Variants in RANBP2 observed in about 807,000 individuals in gnomAD.
RANBP2 encodes RAN binding protein 2, also known as E3 SUMO-protein ligase RanBP2.
In RANBP2, 57 loss-of-function variants were observed where a neutral mutation model predicts 303.6. That is an observed-to-expected ratio of 0.19 (90% confidence interval 0.15 to 0.23). RANBP2 has a LOEUF of 0.23. Ranked by LOEUF, RANBP2 falls within the 10% of genes least tolerant of loss-of-function variation. RANBP2 has a pLI of 1.00. For missense variants in RANBP2, 3,138 were observed against 3,780.8 expected, an observed-to-expected ratio of 0.83 and a Z score of 4.46; for synonymous variants, 1,167 against 1,301.5, an observed-to-expected ratio of 0.90 and a Z score of 2.23.
At position 108,748,408 on chromosome 2, in the gene RANBP2, A is replaced by G. The variant is rs1405227728; in HGVS notation, c.1064-512A>G. 2.1e-5 allele frequency among the ~76,000 whole-genome samples: 3 copies of G among 143,744 alleles called. No homozygotes were observed. In the East Asian group the frequency reaches 6.1e-4, roughly 29 times the overall value. 94.3% of individuals were successfully genotyped at this position (143,744 alleles called of 152,430 possible). ...TTTTTTTTTTTTGTATTTTTAGTAG[A>G]GATGGAGTTTCACTGTGTTAGCCAG... On this transcript the variant is annotated intron_variant, in intron 8 of 28. Coordinates refer to ENST00000283195, the MANE Select transcript of RANBP2 (RefSeq NM_006267.5).
At chr2:109,342,742 T>C in the RANBP2 span, among the ~76,000 whole-genome samples, 2 of 152,152 alleles carry the variant, frequency 1.3e-5, no homozygotes, top group Non-Finnish European at 2.9e-5. Context: ...CTGATTCCAG[T>C]AGAAGCCGGA....
chr2:109,234,441 G>T, the RANBP2 span, among the ~76,000 whole-genome samples: 1 of 152,238 alleles, frequency 6.6e-6, no homozygotes, highest in Non-Finnish European at 1.5e-5. Flanking sequence ...CATGGAGCTA[G>T]TGTTCTTTGG....
the RANBP2 span, among the ~76,000 whole-genome samples, chr2:108,838,269 C>G: frequency 5.3e-3 from 814 of 152,226 alleles, 10 homozygotes; most frequent in African/African-American, 0.016. Context: ...GGGGCAATCT[C>G]TCCCCAACTG....
At chr2:109,199,249 C>T in the RANBP2 span, among the ~76,000 whole-genome samples, 120,580 of 148,708 alleles carry the variant, frequency 0.81, 48,400 homozygotes, top group East Asian at 0.86. Context: ...GTCCCAGCTA[C>T]GGGAGGTGCT....
At chr2:108,793,455 CCTA>C in the RANBP2 span, among the ~76,000 whole-genome samples, 5 of 152,252 alleles carry the variant, frequency 3.3e-5, no homozygotes, top group East Asian at 1.9e-4. Flanking sequence ...GAGGAACTCA[CCTA>C]CTGCTGTTGG....
chr2:109,426,303 C>T, the RANBP2 span, among the ~76,000 whole-genome samples: 1 of 152,212 alleles, frequency 6.6e-6, no homozygotes, highest in Non-Finnish European at 1.5e-5. Context: ...AAAGGATTCA[C>T]CATTCTAGGG....
At chr2:109,744,441 T>C in the RANBP2 span, among the ~76,000 whole-genome samples, 1 of 99,700 alleles carries the variant, frequency 1.0e-5, no homozygotes, top group African/African-American at 2.8e-5. Context: ...TTTTTTTTTT[T>C]GCTTGTTGAT....
chr2:109,352,834 C>A, the RANBP2 span, among the ~76,000 whole-genome samples: 38,396 of 152,214 alleles, frequency 0.25, 5,211 homozygotes, highest in East Asian at 0.58. Context: ...CTACAGACCA[C>A]CCTCGCCCAG....
At chr2:109,135,263 A>T in the RANBP2 span, among the ~76,000 whole-genome samples, 5 of 152,166 alleles carry the variant, frequency 3.3e-5, no homozygotes, top group Non-Finnish European at 7.3e-5. Context: ...TGAAGCCCAC[A>T]CACAGGACTG....
chr2:109,600,707 T>C, the RANBP2 span, among the ~76,000 whole-genome samples: 3 of 152,202 alleles, frequency 2.0e-5, no homozygotes, highest in Admixed American at 6.5e-5. Context: ...TACTTGGCAA[T>C]AGAGTGAGAT....
At chr2:109,029,294 G>A in the RANBP2 span, among the ~76,000 whole-genome samples, 1 of 152,162 alleles carries the variant, frequency 6.6e-6, no homozygotes, top group South Asian at 2.1e-4. Flanking sequence ...CAGCTGCTGG[G>A]TTCTGCCTTG....
the RANBP2 span, among the ~76,000 whole-genome samples, chr2:109,625,744 T>C: frequency 6.6e-6 from 1 of 152,044 alleles, no homozygotes; most frequent in African/African-American, 2.4e-5. Context: ...AATCATAACA[T>C]GAAGAGAAAG....
chr2:109,039,475 C>G, the RANBP2 span, among the ~76,000 whole-genome samples: 1 of 152,156 alleles, frequency 6.6e-6, no homozygotes, highest in African/African-American at 2.4e-5. Context: ...CTCGGCCTCC[C>G]GAGTAGCTGG....
chr2:109,546,693 G>C, the RANBP2 span, among the ~76,000 whole-genome samples: 408 of 152,064 alleles, frequency 2.7e-3, 2 homozygotes, highest in African/African-American at 9.5e-3. Flanking sequence ...AACATCACTG[G>C]AAAGCAAGTG....
chr2:109,097,174 C>T, the RANBP2 span, among the ~76,000 whole-genome samples: 13 of 152,122 alleles, frequency 8.5e-5, no homozygotes, highest in Middle Eastern at 3.4e-3. Flanking sequence ...CGTGGTGGCA[C>T]GTGCCTGTAG....
chr2:108,723,119 A>T lies in RANBP2; in HGVS notation c.72+3441A>T, dbSNP rs549931502. Among the ~76,000 whole-genome samples the T allele has an allele frequency of 2.1e-3, 314 of 152,104 alleles. 3 individuals carry two copies. Among genetic ancestry groups the T allele is most frequent in the African/African-American group, 6.9e-3 (285 of 41,482 alleles). On this transcript the variant is annotated intron_variant, in intron 1 of 28. Transcript: ENST00000283195. ...TCAAATTTTTGGGCGTAAATGATCC[A>T]CCTACCTCTGTTTCCTGAGTACTTA...
chr2:108,882,962 G>A, the RANBP2 span: 1 of 152,050 alleles, frequency 6.6e-6, no homozygotes, highest in Non-Finnish European at 1.5e-5. Context: ...GTGAGGTAGG[G>A]GTTTAAGGAT....
chr2:109,131,532 TG>T, the RANBP2 span, among the ~76,000 whole-genome samples: 1 of 152,248 alleles, frequency 6.6e-6, no homozygotes, highest in Non-Finnish European at 1.5e-5. Flanking sequence ...AGTAAAACGC[TG>T]GGACATTCTG....
At chr2:109,118,924 G>C in the RANBP2 span, among the ~76,000 whole-genome samples, 4 of 152,222 alleles carry the variant, frequency 2.6e-5, no homozygotes, top group Non-Finnish European at 5.9e-5. Context: ...CTAGGCAGAG[G>C]TGGTGACCAC....
Sources: allele counts gnomAD v4.1 joint callset (sites outside exome capture counted in the v4.1 genomes callset), GRCh38; gene constraint gnomAD v4.1.1; transcripts MANE v1.5; gene names NCBI Gene and HGNC (gene_info 2026-07-23, HGNC 2026-07-21).